Variants in USO1 observed in about 807,000 individuals in gnomAD.
The protein encoded by USO1 is USO1 vesicle transport factor.
A neutral mutation model predicts 124.5 loss-of-function variants in USO1; 57 were observed. That is an observed-to-expected ratio of 0.46 (90% CI 0.37 to 0.57). The LOEUF (loss-of-function observed/expected upper bound fraction) is 0.57, where lower values mean the gene tolerates loss of function less well. USO1 is among the 20% of genes least tolerant of loss of function. USO1 has a pLI of 0.00. For missense variants in USO1, 900 were observed against 1,040.6 expected (o/e 0.86, Z 1.86); for synonymous variants, 369 against 362.8 (o/e 1.02, Z -0.19).
chr4:75,800,993 T>C, intron 16 of USO1, 86 bp from the exon 17 acceptor site: 1 of 1,377,932 alleles, frequency 7.3e-7, no homozygotes, highest in African/African-American at 1.5e-5. Flanking sequence ...TATCATGGAG[T>C]TAGGTTATAT....
intron 1 of USO1, chr4:75,725,093 G>T: frequency 1.6e-6 from 1 of 614,480 alleles, no homozygotes; most frequent in Non-Finnish European, 2.8e-6. Context: ...CGTTCGGCCG[G>T]ACTGACGGCG....
At position 75,784,341 on chromosome 4, in the gene USO1, A is replaced by G. The variant is rs115232697; in HGVS notation, c.855+1483A>G. Among the ~76,000 whole-genome samples, 903 of 152,298 alleles carry G rather than the reference A, an allele frequency of 5.9e-3. 14 individuals carry two copies. The highest frequency in any genetic ancestry group is 0.021 in the African/African-American group (855 of 41,574). ...GCCTACACTGCTTTCTTAAATAAGG[A>G]AATTCCTCTAGAAAAGTAATTTCCA... is the stretch of plus-strand genomic sequence containing the variant. On this transcript the variant is annotated intron_variant, in intron 9 of 23. Transcript: ENST00000514213.
At chr4:75,725,966 A>G (rs1317557309) in intron 1 of USO1, among the ~76,000 whole-genome samples, 1 of 152,202 alleles carries the variant, frequency 6.6e-6, no homozygotes, top group Non-Finnish European at 1.5e-5. Flanking sequence ...TCTCACCTTA[A>G]AAGTCAAAAA....
intron 17 of USO1, among the ~76,000 whole-genome samples, chr4:75,802,999 G>T (rs1368750437): frequency 6.8e-6 from 1 of 146,510 alleles, no homozygotes; most frequent in Admixed American, 7.0e-5. Context: ...TAGGAGAATC[G>T]CTTGAACAAC....
At chr4:75,811,870 T>C (rs1723160058) in intron 22 of USO1, among the ~76,000 whole-genome samples, 1 of 152,220 alleles carries the variant, frequency 6.6e-6, no homozygotes, top group South Asian at 2.1e-4. Context: ...CCTTTGATTA[T>C]CTGAAATGGT....
chr4:75,746,282 A>G (rs576961835), intron 1 of USO1, among the ~76,000 whole-genome samples: 10 of 152,332 alleles, frequency 6.6e-5, no homozygotes, highest in African/African-American at 1.4e-4. Flanking sequence ...AGAATGTATT[A>G]TAGTTTCTGT....
At chr4:75,750,583 A>G (rs1408552364) in intron 1 of USO1, among the ~76,000 whole-genome samples, 1 of 152,068 alleles carries the variant, frequency 6.6e-6, no homozygotes, top group Non-Finnish European at 1.5e-5. Flanking sequence ...TCCCGGGTTC[A>G]AGCGATTCTC....
chr4:75,731,946 C>T (rs888187017), intron 1 of USO1, among the ~76,000 whole-genome samples: 15 of 151,926 alleles, frequency 9.9e-5, no homozygotes, highest in South Asian at 6.2e-4. Context: ...AACGATTAAA[C>T]GTAAATTAGT....
chr4:75,812,210 G>T lies in USO1; in HGVS notation c.2634G>T (p.Leu878=). Residue 878 remains leucine, a synonymous_variant, in exon 23 of 24, where the codon CTG becomes CTT. Coordinates refer to ENST00000514213, the MANE Select transcript of USO1 (RefSeq NM_003715.4). ...SEERTAIKEQ[L]DSSNSTIAIL... ...AAAGAACTGCCATTAAAGAGCAGCT[G>T]GATTCATCTAATAGTACCATTGCCA... 6.2e-7 allele frequency: 1 copy of T among 1,609,852 alleles called. No individual in the cohort carries two copies. The highest frequency in any genetic ancestry group is 1.3e-5 in the African/African-American group (1 of 74,978).
At chr4:75,767,741 A>G (rs1054233083) in intron 4 of USO1, among the ~76,000 whole-genome samples, 3 of 152,250 alleles carry the variant, frequency 2.0e-5, no homozygotes, top group African/African-American at 7.2e-5. Flanking sequence ...ATGGTACATC[A>G]TCTTGATTAC....
At chr4:75,748,214 T>TTC (rs1194421733) in intron 1 of USO1, among the ~76,000 whole-genome samples, 4 of 143,646 alleles carry the variant, frequency 2.8e-5, no homozygotes, top group South Asian at 2.2e-4. Flanking sequence ...GGTATTTCTT[T>TTC]TTTTTTTTTT....
intron 1 of USO1, among the ~76,000 whole-genome samples, chr4:75,738,284 C>G (rs937842229): frequency 1.5e-4 from 23 of 151,764 alleles, no homozygotes; most frequent in African/African-American, 5.1e-4. Context: ...TGGTCAAACC[C>G]CATCTCTACT....
Position 75,762,948 on chromosome 4 carries a change from A to G in USO1, c.295+5375A>G, listed in dbSNP as rs193064636. ...GTCTCAAAACAAAAACAACAAAAAA[A>G]GTATACATGTACCTGTTTAATTAAC... On this transcript the variant is annotated intron_variant, in intron 4 of 23. Coordinates refer to ENST00000514213, the MANE Select transcript of USO1 (RefSeq NM_003715.4). Among the ~76,000 whole-genome samples the G allele has an allele frequency of 3.0e-4, 46 of 152,364 alleles. No individual in the cohort carries two copies. In the East Asian group the frequency reaches 7.9e-3, roughly 26 times the overall value.
At position 75,801,747 on chromosome 4, in the gene USO1, A is replaced by G. The variant is rs548046797; in HGVS notation, c.1986+547A>G. On this transcript the variant is annotated intron_variant, in intron 17 of 23. Coordinates refer to ENST00000514213, the MANE Select transcript of USO1 (RefSeq NM_003715.4). ...GTTTATGGCAGGTGTGGCAAGTAAAAGCATAGATAGAACCCTTTAAATTGA... is the reference window on the plus strand; with the variant it reads ...GTTTATGGCAGGTGTGGCAAGTAAAGGCATAGATAGAACCCTTTAAATTGA... Among the ~76,000 whole-genome samples, 374 of 152,324 alleles carry G rather than the reference A, an allele frequency of 2.5e-3. 2 individuals carry two copies. The highest frequency in any genetic ancestry group is 6.8e-3 in the Middle Eastern group (2 of 294).
At chr4:75,728,783 T>C (rs1720538863) in intron 1 of USO1, among the ~76,000 whole-genome samples, 1 of 152,188 alleles carries the variant, frequency 6.6e-6, no homozygotes, top group Non-Finnish European at 1.5e-5. Flanking sequence ...TAGAGTCATG[T>C]ACTTTTGTTT....
At chr4:75,786,587 C>T (rs1722368024) in intron 9 of USO1, among the ~76,000 whole-genome samples, 1 of 152,182 alleles carries the variant, frequency 6.6e-6, no homozygotes, top group African/African-American at 2.4e-5. Flanking sequence ...ATGCCTAATA[C>T]ATGAATCTTT....
At chr4:75,791,801 A>G (rs1196817754) in intron 12 of USO1, among the ~76,000 whole-genome samples, 1 of 23,176 alleles carries the variant, frequency 4.3e-5, no homozygotes, top group Admixed American at 8.8e-4. Context: ...TATATTTACC[A>G]AAAAAAAATT....
At chr4:75,767,734 G>A (rs1428681739) in intron 4 of USO1, among the ~76,000 whole-genome samples, 1 of 152,186 alleles carries the variant, frequency 6.6e-6, no homozygotes, top group Non-Finnish European at 1.5e-5. Flanking sequence ...TCTATGCATG[G>A]TACATCATCT....
In USO1 at chr4:75,730,226, A is replaced by G. The variant is rs1577920504; in HGVS notation, c.66+5341A>G. Among the ~76,000 whole-genome samples the G allele has an allele frequency of 2.6e-5, 4 of 152,348 alleles. 1 individual carries two copies. In the East Asian group the frequency reaches 5.8e-4, roughly 22 times the overall value. On this transcript the variant is annotated intron_variant, in intron 1 of 23. Transcript: ENST00000514213. ...TAGGGTTCATTTAAAAGTTAGAATC[A>G]TTTAAATTATACATGCCGTAGCATT...
Sources: gnomAD v4.1 joint callset for allele counts (sites outside exome capture counted in the v4.1 genomes callset) on GRCh38, gnomAD v4.1.1 for gene constraint, MANE v1.5 for transcripts, NCBI Gene and HGNC (gene_info 2026-07-23, HGNC 2026-07-21) for gene names.